Variants in PLIN4 observed in about 807,000 individuals in gnomAD.
PLIN4 encodes perilipin 4, also known as perilipin-4.
PLIN4 carries 57 observed loss-of-function variants against 52.4 expected under a neutral mutation model. The ratio of observed to expected loss-of-function variants is 1.09; its 90% CI spans 0.88 to 1.36. PLIN4 has a LOEUF of 1.36. Among genes scored for constraint, PLIN4 ranks in the 40% most tolerant of loss-of-function variants. PLIN4 has a pLI of 0.00. For missense variants in PLIN4, 1,757 were observed against 1,770.3 expected (o/e 0.99, Z 0.13); for synonymous variants, 826 against 785.4 (o/e 1.05, Z -0.86).
At chr19:4,517,486 C>A (rs570266900) in intron 3 of PLIN4, 68 bp downstream of exon 3, 1 of 1,531,226 alleles carries the variant, frequency 6.5e-7, no homozygotes, top group East Asian at 2.3e-5. Context: ...AGTCCCTGCC[C>A]GGGGAGCTCC....
Position 4,511,911 on chromosome 19 carries a change from C to A in PLIN4, c.2049G>T (p.Gln683His), listed in dbSNP as rs1189849393. 2 of 1,605,390 alleles carry A rather than the reference C, an allele frequency of 1.2e-6. No individual in the cohort carries two copies. The highest frequency in any genetic ancestry group is 1.7e-6 in the Non-Finnish European group (2 of 1,173,974). The change falls in exon 5 of 8, where the codon CAG becomes CAT. Residue 683 changes from glutamine to histidine, a missense_variant. Physicochemically the swap from Gln to His is conservative, Grantham distance 24. Around this residue, in one of 7 missense-constraint regions of PLIN4, gnomAD observed 439 missense variants for 406.4 expected, o/e 1.08. Coordinates refer to ENST00000301286, the MANE Select transcript of PLIN4 (RefSeq NM_001367868.2). ...CGGTCTTGGCCGTGTCTACACCTGT[C>A]TGGGCAGCCCCTTTGGCCACATTCA... ...SAVNVAKGAA[Q>H]TGVDTAKTVL...
In PLIN4 at chr19:4,502,216, T is replaced by TTTTA. The variant is rs1169329478; in HGVS notation, c.*2239_*2242dup. ...GTTTTTTAATGAAAAAAGAAATCACTTTTATTGGCTTGGTTTTCTAGCATT... is the reference window on the plus strand; with the variant it reads ...GTTTTTTAATGAAAAAAGAAATCACTTTTATTTATTGGCTTGGTTTTCTAGCATT... On this transcript the variant is annotated 3_prime_UTR_variant, in exon 8 of 8. Coordinates refer to ENST00000301286, the MANE Select transcript of PLIN4 (RefSeq NM_001367868.2). 1.5e-6 allele frequency: 1 copy of TTTTA among 661,546 alleles called. No homozygotes were observed. The highest frequency in any genetic ancestry group is 2.7e-6 in the Non-Finnish European group (1 of 368,566). 41.0% of individuals were successfully genotyped at this position (661,546 alleles called of 1,614,324 possible).
At position 4,504,648 on chromosome 19, in the gene PLIN4, G is replaced by A. The variant is rs756456728; in HGVS notation, c.3927C>T (p.Leu1309=). 1.9e-6 allele frequency: 3 copies of A among 1,603,746 alleles called. No individual in the cohort carries two copies. Among genetic ancestry groups the A allele is most frequent in the East Asian group, 2.2e-5 (1 of 44,748 alleles). The change falls in exon 8 of 8, where the codon CTC becomes CTT. Residue 1309 remains leucine, a synonymous_variant. Coordinates refer to ENST00000301286, the MANE Select transcript of PLIN4 (RefSeq NM_001367868.2). ...QQPVGRARHS[L]CELYGIVASA... ...AGGCCACGATGCCATAGAGCTCACA[G>A]AGGCTGTGCCGCGCCCGCCCCACTG...
At chr19:4,508,658 G>T in intron 6 of PLIN4, 110 bp downstream of exon 6, 2 of 1,215,640 alleles carry the variant, frequency 1.6e-6, no homozygotes, top group Non-Finnish European at 2.3e-6. Flanking sequence ...TGGTGACGCT[G>T]ACAGCATCAT....
rs562007974 is a variant in PLIN4, at chr19:4,502,563, C to A, written c.*1896G>T. Reference sequence around the variant, plus strand: ...CCGATGTGGGGAGGACGAGGGTCCGCGAGGCTAGGCTGGGAGGGTGGAGAC... The same window carrying A: ...CCGATGTGGGGAGGACGAGGGTCCGAGAGGCTAGGCTGGGAGGGTGGAGAC... On this transcript the variant is annotated 3_prime_UTR_variant, in exon 8 of 8. Transcript: ENST00000301286. 2.2e-5 allele frequency: 5 copies of A among 229,206 alleles called. No individual in the cohort carries two copies. The highest frequency in any genetic ancestry group is 6.1e-5 in the Admixed American group (1 of 16,436). 14.2% of individuals were successfully genotyped at this position (229,206 alleles called of 1,614,324 possible).
At position 4,512,816 on chromosome 19, in the gene PLIN4, T is replaced by C; in HGVS notation, c.1144A>G (p.Lys382Glu). 1 of 1,564,546 alleles carries C rather than the reference T, an allele frequency of 6.4e-7. No homozygotes were observed. The highest frequency in any genetic ancestry group is 8.6e-7 in the Non-Finnish European group (1 of 1,161,822). Residue 382 changes from lysine (K) to glutamate (E), a missense_variant, in exon 5 of 8, where the codon AAA (lysine) becomes GAA (glutamate). This residue lies in a region of PLIN4 where 439 missense variants were observed against 406.4 expected (regional missense o/e 1.08). Transcript: ENST00000301286. ...SGVTGAVNLA[K>E]EAIQGGLDTT... Reference sequence around the variant, plus strand: ...TCCAGGCCCCCCTGGATGGCCTCTTTGGCCAAGTTCACGGCACCGGTCACC... The same window carrying C: ...TCCAGGCCCCCCTGGATGGCCTCTTCGGCCAAGTTCACGGCACCGGTCACC...
intron 2 of PLIN4, 85 bp from the exon 3 acceptor site, chr19:4,517,783 A>G (rs954438663): frequency 3.4e-6 from 5 of 1,474,262 alleles, no homozygotes; most frequent in South Asian, 2.7e-5. Flanking sequence ...GATCAGCCCA[A>G]TGCCGCCCCG....
At position 4,504,295 on chromosome 19, in the gene PLIN4, A is replaced by G; in HGVS notation, c.*164T>C. 1.4e-6 allele frequency: 1 copy of G among 693,584 alleles called. No individual in the cohort carries two copies. Among genetic ancestry groups the G allele is most frequent in the African/African-American group, 1.8e-5 (1 of 55,392 alleles). 43.0% of individuals were successfully genotyped at this position (693,584 alleles called of 1,614,324 possible). On this transcript the variant is annotated 3_prime_UTR_variant, in exon 8 of 8. Transcript: ENST00000301286. ...CAGGGCGTGGGGTGGCTCAGTTAAG[A>G]AGGTCACTGCCTCCGCAGCCCCTCG...
intron 6 of PLIN4, among the ~76,000 whole-genome samples, chr19:4,506,157 G>A (rs779854743): frequency 6.6e-5 from 10 of 152,180 alleles, no homozygotes; most frequent in East Asian, 1.9e-4. Flanking sequence ...GGATCAGGCC[G>A]CTCCTCTGCC....
rs1976490515 is a variant in PLIN4, at chr19:4,513,373, G to T, written c.587C>A (p.Thr196Asn). ...TGTGTCTTTGGTGCCGGTCAGCACA[G>T]TCTTGGTGGTGTCCACACCGGCCTG... ...TVQAGVDTTK[T>N]VLTGTKDTVT... is the part of the protein sequence containing the mutation. The change falls in exon 5 of 8, where the codon ACT (threonine) becomes AAT (asparagine). Residue 196 changes from threonine (T) to asparagine (N), a missense_variant. This residue lies in a region of PLIN4 where 332 missense variants were observed against 310.8 expected (regional missense o/e 1.07). Transcript: ENST00000301286. 1.2e-6 allele frequency: 2 copies of T among 1,613,338 alleles called. No individual in the cohort carries two copies. Among genetic ancestry groups the T allele is most frequent in the African/African-American group, 2.7e-5 (2 of 74,812 alleles).
At position 4,516,612 on chromosome 19, in the gene PLIN4, C is replaced by G; in HGVS notation, c.258+5G>C. On this transcript the variant is annotated splice_donor_5th_base_variant and intron_variant, in intron 4 of 7. Transcript: ENST00000301286. ...CATCAGACCCTGCCCTGCACATCCT[C>G]TCACCTTTTCCGAAGGTTGCAGCTC... 1.9e-6 allele frequency: 3 copies of G among 1,602,220 alleles called. No homozygotes were observed. Among genetic ancestry groups the G allele is most frequent in the Non-Finnish European group, 2.6e-6 (3 of 1,174,542 alleles).
At chr19:4,517,529 G>C (rs373397918) in intron 3 of PLIN4, 25 bp downstream of exon 3, 16 of 1,591,442 alleles carry the variant, frequency 1.0e-5, no homozygotes, top group Non-Finnish European at 1.4e-5. Context: ...GTCCCCCCAC[G>C]CCCCCAGCTG....
rs1182621115 is a variant in PLIN4 at position 4,511,092 on chromosome 19, C to T, written c.2868G>A (p.Val956=). Residue 956 remains valine (V), a synonymous_variant, in exon 5 of 8, where the codon GTG becomes GTA. Coordinates refer to ENST00000301286, the MANE Select transcript of PLIN4 (RefSeq NM_001367868.2). Reference sequence around the variant, plus strand: ...TCACTGCATCCTTAGCGCCACTCAGCACCGTCTTGGCTGTGTCCACACCTG... The same window carrying T: ...TCACTGCATCCTTAGCGCCACTCAGTACCGTCTTGGCTGTGTCCACACCTG... ...VQTGVDTAKT[V]LSGAKDAVTT... 1 of 1,610,834 alleles carries T rather than the reference C, an allele frequency of 6.2e-7. No individual in the cohort carries two copies.
rs2145233934 is a variant in PLIN4 at position 4,502,779 on chromosome 19, C to G, written c.*1680G>C. The G allele has an allele frequency of 6.5e-6, 1 of 153,108 alleles. No homozygotes were observed. Among genetic ancestry groups the G allele is most frequent in the East Asian group, 1.9e-4 (1 of 5,188 alleles). 9.5% of individuals were successfully genotyped at this position (153,108 alleles called of 1,614,324 possible). A position where few individuals can be genotyped will look rare whatever the true frequency, so the allele number is the denominator to read the frequency against. On this transcript the variant is annotated 3_prime_UTR_variant, in exon 8 of 8. Transcript: ENST00000301286. ...AGGGGCTGTCACGTGGGCACGGTCC[C>G]AAGCAAGTCACCCCGTGCTCCGAAG...
In PLIN4 at chr19:4,511,244, C is replaced by G. The variant is rs368834063; in HGVS notation, c.2716G>C (p.Val906Leu). ...DAVSTGLTGA[V>L]NLAKGTVQTG... The stretch of plus-strand genomic sequence containing the variant: ...TGGACAGTCCCTTTGGCCAAGTTCA[C>G]AGCCCCTGTGAGCCCAGTGGACACG... Residue 906 changes from valine to leucine, a missense_variant, in exon 5 of 8, where the codon GTG (valine) becomes CTG (leucine). Val to Leu is a conservative substitution (Grantham distance 32). Around this residue, in one of 7 missense-constraint regions of PLIN4, gnomAD observed 712 missense variants for 637.1 expected, o/e 1.12. Coordinates refer to ENST00000301286, the MANE Select transcript of PLIN4 (RefSeq NM_001367868.2). 3.1e-6 allele frequency: 5 copies of G among 1,611,176 alleles called. No homozygotes were observed. In the African/African-American group the frequency reaches 4.0e-5, roughly 13 times the overall value.
rs201517424 is a variant in PLIN4 at position 4,510,400 on chromosome 19, C to A, written c.3514+46G>T. 1.3e-4 allele frequency: 182 copies of A among 1,361,076 alleles called. 1 individual carries two copies. In the African/African-American group the frequency reaches 2.6e-3, roughly 19 times the overall value. The allele number at this position is 1,361,076 out of a possible 1,614,324, so 84.3% of individuals were successfully genotyped here. On this transcript the variant is annotated intron_variant, in intron 5 of 7. Coordinates refer to ENST00000301286, the MANE Select transcript of PLIN4 (RefSeq NM_001367868.2). Reference sequence around the variant, plus strand: ...AACAAAACAGTCAAGGACCTGCTAGCAGCTGTGCCTGCCTCAGGGACCCAT... The same window carrying A: ...AACAAAACAGTCAAGGACCTGCTAGAAGCTGTGCCTGCCTCAGGGACCCAT...
chr19:4,517,414 A>T, intron 3 of PLIN4, 140 bp downstream of exon 3: 1 of 1,167,560 alleles, frequency 8.6e-7, no homozygotes, highest in Non-Finnish European at 1.2e-6. Context: ...ATCCACCACA[A>T]GATGTCCTAG....
rs776012991 is a variant in PLIN4, at chr19:4,512,396, C to T, written c.1564G>A (p.Asp522Asn). Residue 522 changes from aspartate (D) to asparagine (N), a missense_variant, in exon 5 of 8, where the codon GAC becomes AAC. By Grantham distance (23) the Asp-to-Asn change is conservative (BLOSUM62 1). Transcript: ENST00000301286. ...CCGGTTAGGACAGTCTTGGTGGTGT[C>T]TACGCCGGTCTGGACGGTCCCTTTG... ...VAKGTVQTGV[D>N]TTKTVLTGTK... 39 of 1,608,434 alleles carry T rather than the reference C, an allele frequency of 2.4e-5. No homozygotes were observed. Among genetic ancestry groups the T allele is most frequent in the Middle Eastern group, 1.7e-4 (1 of 6,060 alleles).
At chr19:4,505,341 C>T (rs1568225342) in intron 6 of PLIN4, among the ~76,000 whole-genome samples, 1 of 152,202 alleles carries the variant, frequency 6.6e-6, no homozygotes, top group Admixed American at 6.5e-5. Context: ...CCATTCTGCC[C>T]TCCGGCCACT....
Sources: gnomAD v4.1 joint callset for allele counts (sites outside exome capture counted in the v4.1 genomes callset) on GRCh38, gnomAD v4.1.1 for gene constraint, gnomAD v4.1.1 regional missense constraint, MANE v1.5 for transcripts, NCBI Gene and HGNC (gene_info 2026-07-23, HGNC 2026-07-21) for gene names.